The following ERC1 variants were observed in gnomAD, a reference collection of about 807,000 sequenced individuals.
ERC1 encodes RAB6 interacting protein 2.
In ERC1, 56 loss-of-function variants were observed where a neutral mutation model predicts 132.0. That is an observed-to-expected ratio of 0.42 (90% CI 0.34 to 0.53). The LOEUF (loss-of-function observed/expected upper bound fraction) is 0.53, where lower values mean the gene tolerates loss of function less well. Among genes scored for constraint, ERC1 ranks in the 20% least tolerant of loss-of-function variants. The probability of loss-of-function intolerance (pLI) is 0.03; values close to 1 mark genes in which losing one functional copy is unlikely to be tolerated. For missense variants in ERC1, 1,202 were observed against 1,349.9 expected (o/e 0.89, Z 1.72); for synonymous variants, 478 against 476.1 (o/e 1.00, Z -0.05).
intron 12 of ERC1, among the ~76,000 whole-genome samples, chr12:1,190,377 A>G (rs939967499): frequency 6.6e-6 from 1 of 152,230 alleles, no homozygotes; most frequent in Non-Finnish European, 1.5e-5. Context: ...TAATTTCTCT[A>G]TATAATGATC....
At chr12:1,226,132 T>C (rs1460377741) in intron 12 of ERC1, among the ~76,000 whole-genome samples, 1 of 152,238 alleles carries the variant, frequency 6.6e-6, no homozygotes, top group Non-Finnish European at 1.5e-5. Context: ...TTATATTGTC[T>C]GTGGCTGAAT....
chr12:1,456,365 T>C (rs2093534302), intron 18 of ERC1, among the ~76,000 whole-genome samples: 1 of 152,136 alleles, frequency 6.6e-6, no homozygotes, highest in Non-Finnish European at 1.5e-5. Context: ...AAGGCTTAAG[T>C]ATTTGGTTTC....
At chr12:1,224,811 T>C (rs370861493) in intron 12 of ERC1, among the ~76,000 whole-genome samples, 1 of 151,858 alleles carries the variant, frequency 6.6e-6, no homozygotes, top group Non-Finnish European at 1.5e-5. Context: ...TGAGACCTCA[T>C]CTCTACAAAA....
At chr12:1,421,193 A>G (rs930002233) in intron 17 of ERC1, among the ~76,000 whole-genome samples, 2 of 152,236 alleles carry the variant, frequency 1.3e-5, no homozygotes, top group Non-Finnish European at 1.5e-5. Flanking sequence ...TTATAGTGCT[A>G]TGGAACATTA....
intron 8 of ERC1, among the ~76,000 whole-genome samples, chr12:1,167,297 A>G (rs1028793010): frequency 1.1e-4 from 16 of 152,222 alleles, no homozygotes; most frequent in African/African-American, 3.4e-4. Context: ...AGCAGAGTCA[A>G]TATTTTCTTC....
intron 16 of ERC1, among the ~76,000 whole-genome samples, chr12:1,400,454 C>T (rs1353434054): frequency 2.0e-5 from 3 of 151,430 alleles, no homozygotes; most frequent in South Asian, 2.1e-4. Context: ...TTTCTTTTGC[C>T]GCTTTCGCTC....
chr12:1,040,820 A>G (rs1275888499), intron 2 of ERC1, among the ~76,000 whole-genome samples: 1 of 152,144 alleles, frequency 6.6e-6, no homozygotes, highest in Non-Finnish European at 1.5e-5. Context: ...AGAAAGTGAG[A>G]TAGTTCAGCC....
At chr12:1,277,408 G>C (rs1212750489) in intron 14 of ERC1, among the ~76,000 whole-genome samples, 1 of 152,158 alleles carries the variant, frequency 6.6e-6, no homozygotes. Flanking sequence ...GGTTTTTCAA[G>C]ATTTGCCTCA....
chr12:1,156,429 G>A (rs73041048), intron 8 of ERC1, among the ~76,000 whole-genome samples: 15,660 of 151,768 alleles, frequency 0.1, 951 homozygotes, highest in South Asian at 0.18. Flanking sequence ...TTAGTAGAGA[G>A]GATTTTACCA....
intron 17 of ERC1, among the ~76,000 whole-genome samples, chr12:1,418,496 T>A (rs1325856803): frequency 6.6e-6 from 1 of 152,226 alleles, no homozygotes; most frequent in Non-Finnish European, 1.5e-5. Flanking sequence ...CCAATTGTCC[T>A]CAAATCAATT....
chr12:1,207,968 ACCCAC>A (rs1313488247), intron 12 of ERC1, among the ~76,000 whole-genome samples: 1 of 152,050 alleles, frequency 6.6e-6, no homozygotes, highest in Non-Finnish European at 1.5e-5. Context: ...TTACTCTGGC[ACCCAC>A]CCCCCCATCT....
chr12:1,287,447 A>G (rs954197338), intron 14 of ERC1, among the ~76,000 whole-genome samples: 9 of 152,104 alleles, frequency 5.9e-5, no homozygotes, highest in African/African-American at 1.4e-4. Flanking sequence ...CTGTGAGGGT[A>G]TTTGGGGATG....
At chr12:1,440,224 A>G (rs1372274775) in intron 17 of ERC1, among the ~76,000 whole-genome samples, 1 of 112,358 alleles carries the variant, frequency 8.9e-6, no homozygotes, top group African/African-American at 4.2e-5. Context: ...TTTTTCCTTG[A>G]GACAGAGTCT....
intron 15 of ERC1, among the ~76,000 whole-genome samples, chr12:1,369,998 A>T (rs1245967218): frequency 6.6e-6 from 1 of 152,238 alleles, no homozygotes; most frequent in African/African-American, 2.4e-5. Context: ...TGGCTAAACT[A>T]AAACTCTTCC....
intron 8 of ERC1, among the ~76,000 whole-genome samples, chr12:1,145,174 G>A (rs866525806): frequency 1.3e-5 from 2 of 151,802 alleles, no homozygotes; most frequent in East Asian, 1.9e-4. Flanking sequence ...TCGCCACCAC[G>A]CCCCACTAAT....
chr12:1,241,792 T>C (rs964027602), intron 13 of ERC1, among the ~76,000 whole-genome samples: 4 of 151,842 alleles, frequency 2.6e-5, no homozygotes, highest in African/African-American at 9.7e-5. Context: ...AGTTTCCATT[T>C]CATTCTAGAT....
intron 17 of ERC1, among the ~76,000 whole-genome samples, chr12:1,423,887 A>G (rs2092520050): frequency 6.6e-6 from 1 of 152,228 alleles, no homozygotes; most frequent in South Asian, 2.1e-4. Flanking sequence ...GTCTTAAATC[A>G]GCAAGGGGCA....
intron 16 of ERC1, among the ~76,000 whole-genome samples, chr12:1,394,035 AAAAAAAAAACC>A (rs1391946974): frequency 4.7e-5 from 4 of 84,712 alleles, no homozygotes; most frequent in African/African-American, 1.9e-4. Context: ...AAAAAAAAAC[AAAAAAAAAACC>A]ACAAAGCATT....
intron 16 of ERC1, among the ~76,000 whole-genome samples, chr12:1,373,651 A>C (rs1267252966): frequency 6.6e-6 from 1 of 152,104 alleles, no homozygotes; most frequent in Admixed American, 6.6e-5. Context: ...GTGGTGGTGC[A>C]CCTCTGTAGT....
Sources: allele counts gnomAD v4.1 joint callset (sites outside exome capture counted in the v4.1 genomes callset), GRCh38; gene constraint gnomAD v4.1.1; transcripts MANE v1.5; gene names NCBI Gene and HGNC (gene_info 2026-07-23, HGNC 2026-07-21).